SDK1: variants seen among roughly 807,000 people sequenced by gnomAD.
SDK1 encodes the protein sidekick cell adhesion molecule 1.
SDK1 carries 157 observed loss-of-function variants against 245.5 expected under a neutral mutation model. That is an observed-to-expected ratio of 0.64 (90% CI 0.56 to 0.73). The LOEUF (loss-of-function observed/expected upper bound fraction) is 0.73, where lower values mean the gene tolerates loss of function less well. SDK1 is among the 30% of genes least tolerant of loss of function. The probability of loss-of-function intolerance (pLI) is 0.00; values close to 1 mark genes in which losing one functional copy is unlikely to be tolerated. For missense variants in SDK1, 3,583 were observed against 3,002.3 expected (o/e 1.19, Z -4.52); for synonymous variants, 1,647 against 1,278.5 (o/e 1.29, Z -6.15).
chr7:3,590,359 A>G (rs1351806196), intron 1 of SDK1, among the ~76,000 whole-genome samples: 1 of 148,536 alleles, frequency 6.7e-6, no homozygotes, highest in Non-Finnish European at 1.5e-5. Flanking sequence ...TAGACAAAAT[A>G]CAATAGCAAA....
chr7:3,965,979 AG>A (rs1562585653), intron 9 of SDK1, among the ~76,000 whole-genome samples: 2 of 151,538 alleles, frequency 1.3e-5, no homozygotes, highest in Non-Finnish European at 2.9e-5. Context: ...GACGGGCTGG[AG>A]GGTGGAGGGA....
intron 1 of SDK1, among the ~76,000 whole-genome samples, chr7:3,560,543 A>G (rs568853337): frequency 3.3e-5 from 5 of 152,172 alleles, no homozygotes; most frequent in African/African-American, 1.2e-4. Context: ...ATCTGCCGCC[A>G]TTGTCTCTTA....
intron 4 of SDK1, among the ~76,000 whole-genome samples, chr7:3,793,481 G>T (rs1032535596): frequency 1.3e-5 from 2 of 152,126 alleles, no homozygotes; most frequent in Non-Finnish European, 2.9e-5. Flanking sequence ...CTCATGAAAG[G>T]CTTCCTCGTG....
chr7:4,014,261 C>G (rs17134178), intron 16 of SDK1, among the ~76,000 whole-genome samples: 1 of 152,164 alleles, frequency 6.6e-6, no homozygotes, highest in Non-Finnish European at 1.5e-5. Context: ...GAGGCCACTT[C>G]GGGGACTGCA....
chr7:3,513,029 C>T (rs1782631017), intron 1 of SDK1, among the ~76,000 whole-genome samples: 2 of 152,090 alleles, frequency 1.3e-5, no homozygotes, highest in South Asian at 4.1e-4. Flanking sequence ...AGAGCATATC[C>T]TAGAAGCTAA....
chr7:3,527,216 T>C (rs1171777911), intron 1 of SDK1, among the ~76,000 whole-genome samples: 1 of 152,330 alleles, frequency 6.6e-6, no homozygotes, highest in South Asian at 2.1e-4. Flanking sequence ...TGAGGCATTG[T>C]TGTAAGCAAT....
At chr7:3,702,054 A>G (rs1158577315) in intron 4 of SDK1, among the ~76,000 whole-genome samples, 1 of 152,180 alleles carries the variant, frequency 6.6e-6, no homozygotes, top group Non-Finnish European at 1.5e-5. Flanking sequence ...TTTCAGAAGA[A>G]TAAACCTCTG....
Position 3,425,277 on chromosome 7 carries a change from G to A in SDK1, c.298+123393G>A, listed in dbSNP as rs1434807209. The stretch of plus-strand genomic sequence containing the variant: ...GCACTGATTTACACTTTTACAGAAG[G>A]GAAATTTATGGCCCTTATCTGTTGA... On this transcript the variant is annotated intron_variant, in intron 1 of 44. Transcript: ENST00000404826. Among the ~76,000 whole-genome samples, 5 of 152,046 alleles carry A rather than the reference G, an allele frequency of 3.3e-5. No individual in the cohort carries two copies. The South Asian group carries it at 8.3e-4, about 25-fold the overall frequency.
At position 4,224,101 on chromosome 7, in the gene SDK1, C is replaced by T. The variant is rs559292107; in HGVS notation, c.5827+2737C>T. 9.2e-5 allele frequency among the ~76,000 whole-genome samples: 14 copies of T among 152,346 alleles called. No individual in the cohort carries two copies. In the East Asian group the frequency reaches 2.5e-3, roughly 27 times the overall value. ...CCCATAATCCATGCCTCCAGCATTA[C>T]CTGGAGACACGAGTTCCCAGGAACC... On this transcript the variant is annotated intron_variant, in intron 40 of 44. Coordinates refer to ENST00000404826, the MANE Select transcript of SDK1 (RefSeq NM_152744.4).
At chr7:4,051,474 T>C (rs1439727122) in intron 18 of SDK1, among the ~76,000 whole-genome samples, 164 bp from the exon 19 acceptor site, 1 of 151,846 alleles carries the variant, frequency 6.6e-6, no homozygotes, top group East Asian at 1.9e-4. Flanking sequence ...TAAAATATAT[T>C]TTTATCTCAA....
intron 14 of SDK1, among the ~76,000 whole-genome samples, chr7:4,005,701 A>G (rs917839902): frequency 1.4e-4 from 21 of 152,070 alleles, no homozygotes; most frequent in African/African-American, 4.4e-4. Flanking sequence ...CAGAAATATT[A>G]TGTATTAATA....
At chr7:4,184,722 C>T (rs561126705) in intron 35 of SDK1, among the ~76,000 whole-genome samples, 47 of 152,286 alleles carry the variant, frequency 3.1e-4, no homozygotes, top group Non-Finnish European at 4.7e-4. Context: ...AATAATCCAT[C>T]GGTAAGGACT....
At chr7:3,876,581 C>G (rs969656262) in intron 5 of SDK1, among the ~76,000 whole-genome samples, 1 of 152,290 alleles carries the variant, frequency 6.6e-6, no homozygotes, top group African/African-American at 2.4e-5. Context: ...GCATTGAGAA[C>G]TCATAACATC....
intron 4 of SDK1, among the ~76,000 whole-genome samples, chr7:3,707,315 T>A (rs1013011109): frequency 2.0e-5 from 3 of 152,258 alleles, no homozygotes; most frequent in Admixed American, 6.5e-5. Context: ...AATTCAAAAA[T>A]CATTCCAGGA....
intron 2 of SDK1, among the ~76,000 whole-genome samples, chr7:3,629,236 G>T (rs2128647484): frequency 6.6e-6 from 1 of 151,500 alleles, no homozygotes; most frequent in East Asian, 1.9e-4. Context: ...AGGAGGCAGA[G>T]CTTGCAGTGA....
At chr7:4,036,065 T>C (rs1788190014) in intron 17 of SDK1, among the ~76,000 whole-genome samples, 1 of 152,216 alleles carries the variant, frequency 6.6e-6, no homozygotes, top group Admixed American at 6.5e-5. Context: ...ACACCGGATT[T>C]TATTCTTGTG....
chr7:3,998,212 G>C (rs957053369), intron 14 of SDK1, among the ~76,000 whole-genome samples: 1 of 152,224 alleles, frequency 6.6e-6, no homozygotes, highest in Non-Finnish European at 1.5e-5. Context: ...GCCCCAACTC[G>C]TAAGGGGCAG....
chr7:4,034,468 TCAAA>T (rs1788071898), intron 17 of SDK1, among the ~76,000 whole-genome samples: 1 of 152,234 alleles, frequency 6.6e-6, no homozygotes, highest in Non-Finnish European at 1.5e-5. Flanking sequence ...CAGCTCACTC[TCAAA>T]CAGTTTTTAA....
intron 1 of SDK1, among the ~76,000 whole-genome samples, chr7:3,480,290 G>C (rs984253781): frequency 1.3e-5 from 2 of 152,194 alleles, no homozygotes; most frequent in African/African-American, 2.4e-5. Context: ...ACACAGAGTG[G>C]CTCATGTGAA....
Sources: allele counts gnomAD v4.1 joint callset (sites outside exome capture counted in the v4.1 genomes callset), GRCh38; gene constraint gnomAD v4.1.1; transcripts MANE v1.5; gene names NCBI Gene and HGNC (gene_info 2026-07-23, HGNC 2026-07-21).